The following AFF2 variants were observed in gnomAD, a reference collection of about 807,000 sequenced individuals.
The protein encoded by AFF2 is ALF transcription elongation factor 2.
In AFF2, 14 loss-of-function variants were observed where a neutral mutation model predicts 76.9. The ratio of observed to expected loss-of-function variants is 0.18; its 90% confidence interval spans 0.12 to 0.28. The LOEUF (loss-of-function observed/expected upper bound fraction) is 0.28, where lower values mean the gene tolerates loss of function less well. AFF2 is among the 10% of genes least tolerant of loss of function. The pLI is 1.00. For missense variants in AFF2, 868 were observed against 1,001.1 expected (o/e 0.87, Z 1.79); for synonymous variants, 398 against 366.7 (o/e 1.09, Z -0.98).
intron 7 of AFF2, among the ~76,000 whole-genome samples, chrX:148,844,853 C>T (rs1557274604): frequency 9.0e-6 from 1 of 111,419 alleles, no homozygotes; most frequent in Non-Finnish European, 1.9e-5. Flanking sequence ...TCAATTTCAA[C>T]AACCAAGAAT....
At chrX:148,608,609 C>T (rs1361971716) in intron 1 of AFF2, among the ~76,000 whole-genome samples, 5 of 109,227 alleles carry the variant, frequency 4.6e-5, no homozygotes, top group Non-Finnish European at 9.5e-5. Context: ...TCAGACTTAG[C>T]CATCCTCCCA....
chrX:148,944,679 A>G (rs1345901461), intron 9 of AFF2, among the ~76,000 whole-genome samples: 2 of 110,725 alleles, frequency 1.8e-5, no homozygotes, highest in Non-Finnish European at 3.8e-5. Flanking sequence ...CCATATGCAA[A>G]TTGCAATGCT....
chrX:148,941,518 T>G (rs1557285567), intron 9 of AFF2, among the ~76,000 whole-genome samples: 1 of 111,795 alleles, frequency 8.9e-6, no homozygotes, highest in Non-Finnish European at 1.9e-5. Context: ...GGAAGGTCTG[T>G]TTGTATGTAG....
At chrX:148,859,287 T>C (rs1400041555) in intron 7 of AFF2, among the ~76,000 whole-genome samples, 3 of 109,362 alleles carry the variant, frequency 2.7e-5, no homozygotes, top group Non-Finnish European at 3.8e-5. Flanking sequence ...TCTGGATGAT[T>C]AAATAATCTG....
At chrX:148,877,492 G>C (rs1461186487) in intron 7 of AFF2, among the ~76,000 whole-genome samples, 1 of 112,622 alleles carries the variant, frequency 8.9e-6, no homozygotes, top group Non-Finnish European at 1.9e-5. Context: ...ATAAATAACT[G>C]AGCAACAATG....
chrX:148,968,284 C>G (rs1390339214), intron 15 of AFF2, among the ~76,000 whole-genome samples: 3 of 111,584 alleles, frequency 2.7e-5, no homozygotes, highest in Non-Finnish European at 5.7e-5. Context: ...GTCATAAGCT[C>G]AACATTTTGA....
intron 19 of AFF2, among the ~76,000 whole-genome samples, chrX:148,982,827 C>T: frequency 8.9e-6 from 1 of 111,855 alleles, no homozygotes; most frequent in Non-Finnish European, 1.9e-5. Flanking sequence ...TTATTTAAAG[C>T]ACCAGACACT....
intron 8 of AFF2, among the ~76,000 whole-genome samples, chrX:148,890,283 A>G (rs782610071): frequency 1.8e-5 from 2 of 112,275 alleles, no homozygotes; most frequent in East Asian, 5.7e-4. Flanking sequence ...TAACATCTCT[A>G]AGTCTCAGAT....
intron 3 of AFF2, among the ~76,000 whole-genome samples, chrX:148,713,832 A>G (rs2054997152): frequency 8.9e-6 from 1 of 111,915 alleles, no homozygotes; most frequent in South Asian, 3.7e-4. Flanking sequence ...CTTAAGGGGC[A>G]TATTTCCTAG....
At chrX:148,804,723 C>T (rs1442683023) in intron 3 of AFF2, among the ~76,000 whole-genome samples, 1 of 112,153 alleles carries the variant, frequency 8.9e-6, no homozygotes, top group Non-Finnish European at 1.9e-5. Context: ...GTTGTGAAAT[C>T]GTTTTTGTTT....
At chrX:148,970,402 T>TAGAAAATATTTTGATAAAAGGTATACA (rs1557289385) in intron 15 of AFF2, among the ~76,000 whole-genome samples, 1 of 112,295 alleles carries the variant, frequency 8.9e-6, no homozygotes, top group African/African-American at 3.2e-5. Context: ...CACAGTTGCA[T>TAGAAAATATTTTGATAAAAGGTATACA]AGAAAATATT....
intron 3 of AFF2, among the ~76,000 whole-genome samples, chrX:148,776,055 T>G (rs1322781597): frequency 1.0e-4 from 11 of 110,090 alleles, no homozygotes; most frequent in Non-Finnish European, 1.9e-4. Flanking sequence ...GCCCCCTCCC[T>G]GTGTCCATGT....
chrX:148,718,272 T>C (rs2055050168), intron 3 of AFF2, among the ~76,000 whole-genome samples: 1 of 111,690 alleles, frequency 9.0e-6, no homozygotes, highest in African/African-American at 3.3e-5. Flanking sequence ...AACATAATCA[T>C]GGATAATCAT....
chrX:148,661,878 C>T (rs1035719734), intron 2 of AFF2, 30 bp from the exon 3 acceptor site: 32 of 1,163,342 alleles, frequency 2.8e-5, no homozygotes, highest in Non-Finnish European at 3.3e-5. Context: ...CATTCTCTCT[C>T]CTCCCACCCC....
At chrX:148,756,956 A>C (rs1179004298) in intron 3 of AFF2, among the ~76,000 whole-genome samples, 1 of 112,579 alleles carries the variant, frequency 8.9e-6, no homozygotes, top group Non-Finnish European at 1.9e-5. Context: ...TAACATGAGC[A>C]CATGGAGTCC....
At chrX:148,975,408 A>T (rs1249900769) in intron 16 of AFF2, among the ~76,000 whole-genome samples, 8 of 112,446 alleles carry the variant, frequency 7.1e-5, no homozygotes, top group African/African-American at 2.6e-4. Context: ...TTGAAATACA[A>T]CAATGACAGA....
At chrX:148,733,670 G>A (rs1293822664) in intron 3 of AFF2, among the ~76,000 whole-genome samples, 6 of 111,964 alleles carry the variant, frequency 5.4e-5, no homozygotes, top group Admixed American at 9.5e-5. Flanking sequence ...GTGCTTGTAC[G>A]TTTTACTTTT....
At chrX:148,665,764 C>T (rs1303322506) in intron 3 of AFF2, among the ~76,000 whole-genome samples, 1 of 111,979 alleles carries the variant, frequency 8.9e-6, no homozygotes, top group Non-Finnish European at 1.9e-5. Flanking sequence ...AATTCAGCCC[C>T]AGTTCCTGGC....
chrX:148,652,678 A>AGG (rs1557256544), intron 2 of AFF2, among the ~76,000 whole-genome samples: 1 of 111,566 alleles, frequency 9.0e-6, no homozygotes, highest in Non-Finnish European at 1.9e-5. Context: ...TCTCAACCAG[A>AGG]GGGGGGTAGT....
Sources: allele counts gnomAD v4.1 joint callset (sites outside exome capture counted in the v4.1 genomes callset), GRCh38; gene constraint gnomAD v4.1.1; transcripts MANE v1.5; gene names NCBI Gene and HGNC (gene_info 2026-07-23, HGNC 2026-07-21).